SLC5A3: variants seen among roughly 807,000 people sequenced by gnomAD.
The protein encoded by SLC5A3 is solute carrier family 5 member 3.
Under a neutral mutation model 43.2 loss-of-function variants are expected in SLC5A3, and 10 were observed. That is an observed-to-expected ratio of 0.23 (90% CI 0.14 to 0.39). The LOEUF (loss-of-function observed/expected upper bound fraction) is 0.39, where lower values mean the gene tolerates loss of function less well. Ranked by LOEUF, SLC5A3 falls within the 10% of genes least tolerant of loss-of-function variation. SLC5A3 has a pLI of 1.00. For synonymous variants in SLC5A3, 349 were observed against 322.0 expected (o/e 1.08, Z -0.90); for missense variants, 608 against 893.4 (o/e 0.68, Z 4.07).
chr21:34,079,464 C>T (rs971425309), intron 1 of SLC5A3, among the ~76,000 whole-genome samples: 2 of 152,002 alleles, frequency 1.3e-5, no homozygotes, highest in Non-Finnish European at 2.9e-5. Flanking sequence ...GAGACAGAGT[C>T]TTGCTGTGTT....
Position 34,099,766 on chromosome 21 carries a change from A to G in SLC5A3, c.*2411A>G, listed in dbSNP as rs1979150373. ...CAAGTTTAGAGTACTAAAGTCTGTA[A>G]ATAAGGAATGACTATTAGCATATTC... is the stretch of plus-strand genomic sequence containing the variant. On this transcript the variant is annotated 3_prime_UTR_variant, in exon 2 of 2. Transcript: ENST00000381151. 8.6e-6 allele frequency: 8 copies of G among 928,290 alleles called. No homozygotes were observed. The allele number at this position is 928,290 out of a possible 1,614,324, so 57.5% of individuals were successfully genotyped here.
chr21:34,086,238 A>G (rs1978369647), intron 1 of SLC5A3, among the ~76,000 whole-genome samples: 1 of 152,278 alleles, frequency 6.6e-6, no homozygotes, highest in East Asian at 1.9e-4. Flanking sequence ...TTGTAAGAGC[A>G]CTTAAGTGGT....
Position 34,073,646 on chromosome 21 carries a change from C to T in SLC5A3, c.-436C>T. 1 of 1,485,932 alleles carries T rather than the reference C, an allele frequency of 6.7e-7. No individual in the cohort carries two copies. Among genetic ancestry groups the T allele is most frequent in the Non-Finnish European group, 9.1e-7 (1 of 1,099,054 alleles). The allele number at this position is 1,485,932 out of a possible 1,614,324, so 92.0% of individuals were successfully genotyped here. On this transcript the variant is annotated 5_prime_UTR_variant, in exon 1 of 2. Coordinates refer to ENST00000381151, the MANE Select transcript of SLC5A3 (RefSeq NM_006933.7). ...CCCCACTGTCCCCGCCGTCCCGCCC[C>T]TTCGCGTCCCGGGAACCGGCTGGCT... is the stretch of plus-strand genomic sequence containing the variant.
At chr21:34,085,440 T>C (rs1978329205) in intron 1 of SLC5A3, among the ~76,000 whole-genome samples, 1 of 152,190 alleles carries the variant, frequency 6.6e-6, no homozygotes, top group African/African-American at 2.4e-5. Flanking sequence ...TATTAAGTGA[T>C]CTATGGAATA....
rs766689462 is a variant in SLC5A3, at chr21:34,096,713, C to T, written c.1515C>T (p.Phe505=). Residue 505 remains phenylalanine, a synonymous_variant, in exon 2 of 2, where the codon TTC becomes TTT. Coordinates refer to ENST00000381151, the MANE Select transcript of SLC5A3 (RefSeq NM_006933.7). The surrounding 1 kb of genome is among the most constrained non-coding windows in gnomAD (Gnocchi z 5.9). ...ECDQPDNRPG[F]IKDIHYMYVA... ...ACCAACCTGATAATAGGCCGGGCTT[C>T]ATCAAAGACATCCATTATATGTATG... 67 of 1,613,956 alleles carry T rather than the reference C, an allele frequency of 4.2e-5. No individual in the cohort carries two copies. Among genetic ancestry groups the T allele is most frequent in the Non-Finnish European group, 5.5e-5 (65 of 1,180,000 alleles).
rs193098556 is a variant in SLC5A3, at chr21:34,103,623, T to G, written c.*6268T>G. 7 of 1,000,030 alleles carry G rather than the reference T, an allele frequency of 7.0e-6. No homozygotes were observed. In the Admixed American group the frequency reaches 3.7e-4, roughly 53 times the overall value. The allele number at this position is 1,000,030 out of a possible 1,614,324, so 61.9% of individuals were successfully genotyped here. On this transcript the variant is annotated 3_prime_UTR_variant, in exon 2 of 2. Transcript: ENST00000381151. ...TACCCACACATAGAAAGCACAAGACTAATAGTATTCTCTGTATCCCACAAG... is the reference window on the plus strand; with the variant it reads ...TACCCACACATAGAAAGCACAAGACGAATAGTATTCTCTGTATCCCACAAG...
chr21:34,086,979 T>A (rs752964272), intron 1 of SLC5A3, among the ~76,000 whole-genome samples: 2 of 152,280 alleles, frequency 1.3e-5, no homozygotes, highest in Middle Eastern at 3.4e-3. Flanking sequence ...TCTGCACATA[T>A]CACTGCACAC....
chr21:34,075,000 G>A (rs1192854841), intron 1 of SLC5A3, among the ~76,000 whole-genome samples: 1 of 152,202 alleles, frequency 6.6e-6, no homozygotes, highest in African/African-American at 2.4e-5. Context: ...GGATTTGGAA[G>A]AAGTTAAGAT....
chr21:34,093,873 ATC>A (rs1161668960), intron 1 of SLC5A3, among the ~76,000 whole-genome samples: 1 of 152,224 alleles, frequency 6.6e-6, no homozygotes, highest in African/African-American at 2.4e-5. Context: ...CTGAAGATTT[ATC>A]TAATGGTCCA....
chr21:34,079,585 G>A (rs922012300), intron 1 of SLC5A3, among the ~76,000 whole-genome samples: 3 of 145,306 alleles, frequency 2.1e-5, no homozygotes, highest in South Asian at 2.2e-4. Context: ...ACAGGCATGC[G>A]CCACCAGACC....
chr21:34,101,830 A>G lies in SLC5A3; in HGVS notation c.*4475A>G. ...TTTCTCACACTTTGTGTTGGCTAAT[A>G]ATAAAAGCACTGTTTTATTCTCAAA... On this transcript the variant is annotated 3_prime_UTR_variant, in exon 2 of 2. Transcript: ENST00000381151. 4 of 999,542 alleles carry G rather than the reference A, an allele frequency of 4.0e-6. No individual in the cohort carries two copies. The highest frequency in any genetic ancestry group is 4.8e-6 in the Non-Finnish European group (4 of 829,378). The allele number at this position is 999,542 out of a possible 1,614,324, so 61.9% of individuals were successfully genotyped here.
At chr21:34,073,830 C>G in intron 1 of SLC5A3, 85 bp downstream of exon 1, 1 of 1,041,444 alleles carries the variant, frequency 9.6e-7, no homozygotes, top group Admixed American at 4.0e-5. Context: ...GCCCTGGCCG[C>G]GGGACCCCGG....
In SLC5A3 at chr21:34,073,588, C is replaced by G; in HGVS notation, c.-494C>G. On this transcript the variant is annotated 5_prime_UTR_variant, in exon 1 of 2. Transcript: ENST00000381151. ...GCGCTCTCGGACCGTGCTTTCGCCG[C>G]CTGGGAGCCGTCCGGCGCAGCAGTT... 6 of 927,126 alleles carry G rather than the reference C, an allele frequency of 6.5e-6. No homozygotes were observed. Among genetic ancestry groups the G allele is most frequent in the Non-Finnish European group, 9.5e-6 (6 of 632,494 alleles). 57.4% of individuals were successfully genotyped at this position (927,126 alleles called of 1,614,324 possible).
chr21:34,103,385 C>G lies in SLC5A3; in HGVS notation c.*6030C>G, dbSNP rs528524275. ...CAGCCTTTATTTAGGTTCAGTGAAA[C>G]CAGGTAGTTCTGTATTTGTGTTGTA... On this transcript the variant is annotated 3_prime_UTR_variant, in exon 2 of 2. Coordinates refer to ENST00000381151, the MANE Select transcript of SLC5A3 (RefSeq NM_006933.7). The G allele has an allele frequency of 1.0e-5, 10 of 995,038 alleles. No homozygotes were observed. The East Asian group carries it at 8.0e-4, about 80-fold the overall frequency. 61.6% of individuals were successfully genotyped at this position (995,038 alleles called of 1,614,324 possible). A position where few individuals can be genotyped will look rare whatever the true frequency, so the allele number is the denominator to read the frequency against.
intron 1 of SLC5A3, among the ~76,000 whole-genome samples, chr21:34,075,294 T>G (rs2148650257): frequency 6.6e-6 from 1 of 152,366 alleles, no homozygotes; most frequent in Non-Finnish European, 1.5e-5. Flanking sequence ...TTGCTCATTC[T>G]GTAACCCTTT....
rs879076846 is a variant in SLC5A3 at position 34,100,824 on chromosome 21, G to T, written c.*3469G>T. 3 of 1,000,010 alleles carry T rather than the reference G, an allele frequency of 3.0e-6. No homozygotes were observed. In the Admixed American group the frequency reaches 1.8e-4, roughly 62 times the overall value. The allele number at this position is 1,000,010 out of a possible 1,614,324, so 61.9% of individuals were successfully genotyped here. A position where few individuals can be genotyped will look rare whatever the true frequency, so the allele number is the denominator to read the frequency against. On this transcript the variant is annotated 3_prime_UTR_variant, in exon 2 of 2. Coordinates refer to ENST00000381151, the MANE Select transcript of SLC5A3 (RefSeq NM_006933.7). ...TCTGACTTTGAATATCATTTGGTGTGGCCTGTGGGTTATTTTCATTCTTTA... is the reference window on the plus strand; with the variant it reads ...TCTGACTTTGAATATCATTTGGTGTTGCCTGTGGGTTATTTTCATTCTTTA...
intron 1 of SLC5A3, among the ~76,000 whole-genome samples, chr21:34,076,169 T>G (rs1325416014): frequency 1.3e-5 from 2 of 152,212 alleles, no homozygotes; most frequent in Admixed American, 6.5e-5. Context: ...AACTATAGTT[T>G]TCCAGCCTTT....
At chr21:34,081,417 A>G (rs762816215) in intron 1 of SLC5A3, among the ~76,000 whole-genome samples, 2 of 152,218 alleles carry the variant, frequency 1.3e-5, no homozygotes, top group Non-Finnish European at 1.5e-5. Context: ...ATGACTGGAT[A>G]TGGCTTTGGG....
In SLC5A3 at chr21:34,104,393, G is replaced by GC; in HGVS notation, c.*7038_*7039insC. 1 of 1,000,154 alleles carries GC rather than the reference G, an allele frequency of 1.0e-6. No individual in the cohort carries two copies. The highest frequency in any genetic ancestry group is 1.2e-6 in the Non-Finnish European group (1 of 829,956). 62.0% of individuals were successfully genotyped at this position (1,000,154 alleles called of 1,614,324 possible). On this transcript the variant is annotated 3_prime_UTR_variant, in exon 2 of 2. Coordinates refer to ENST00000381151, the MANE Select transcript of SLC5A3 (RefSeq NM_006933.7). ...TCCTCACTTCACCTCCGAGTAGCTT[G>GC]TTTATCAAGAATGAATGAATGTCTT...
Sources: gnomAD v4.1 joint callset for allele counts (sites outside exome capture counted in the v4.1 genomes callset) on GRCh38, gnomAD v4.1.1 for gene constraint, Gnocchi (gnomAD v3.1) non-coding constraint, MANE v1.5 for transcripts, NCBI Gene and HGNC (gene_info 2026-07-23, HGNC 2026-07-21) for gene names.